NPEPL1: variants seen among roughly 807,000 people sequenced by gnomAD.
The protein encoded by NPEPL1 is probable aminopeptidase NPEPL1.
Under a neutral mutation model 52.4 loss-of-function variants are expected in NPEPL1, and 45 were observed. The ratio of observed to expected loss-of-function variants is 0.86; its 90% CI spans 0.68 to 1.10. The LOEUF (loss-of-function observed/expected upper bound fraction) is 1.10, where lower values mean the gene tolerates loss of function less well. Among genes scored for constraint, NPEPL1 ranks in the 50% least tolerant of loss-of-function variants. The probability of loss-of-function intolerance (pLI) is 0.00; values close to 1 mark genes in which losing one functional copy is unlikely to be tolerated. For synonymous variants in NPEPL1, 360 were observed against 314.7 expected (o/e 1.14, Z -1.52); for missense variants, 696 against 710.9 (o/e 0.98, Z 0.24).
At chr20:58,694,895 GTGCACGTGTGTGATGTA>G (rs1195733792) in intron 3 of NPEPL1, among the ~76,000 whole-genome samples, 2 of 152,252 alleles carry the variant, frequency 1.3e-5, no homozygotes, top group East Asian at 1.9e-4. Flanking sequence ...TGAGCTCCGT[GTGCACGTGTGTGATGTA>G]TGCACGTGTG....
chr20:58,699,056 C>G, intron 4 of NPEPL1, 141 bp from the exon 5 acceptor site: 1 of 782,086 alleles, frequency 1.3e-6, no homozygotes, highest in Non-Finnish European at 2.2e-6. Flanking sequence ...TGGGTTTCAT[C>G]ACACGCGAAG....
At chr20:58,690,818 C>A (rs2084331892), upstream of NPEPL1, among the ~76,000 whole-genome samples, 1 of 152,180 alleles carries the variant, frequency 6.6e-6, no homozygotes, top group Non-Finnish European at 1.5e-5. Context: ...TCTCCACCAA[C>A]AGTTTATCTC....
At chr20:58,691,179 GCAACGTA>G (rs1445663948), upstream of NPEPL1, 3 of 702,486 alleles carry the variant, frequency 4.3e-6, no homozygotes, top group African/African-American at 5.3e-5. Context: ...GTGCCTGTCT[GCAACGTA>G]TTTGCAAACA....
At chr20:58,707,283 C>A in intron 7 of NPEPL1, 83 bp downstream of exon 7, 1 of 1,225,250 alleles carries the variant, frequency 8.2e-7, no homozygotes, top group Non-Finnish European at 1.1e-6. Flanking sequence ...CGTCCCGCCA[C>A]AGGCCCCACC....
At chr20:58,709,487 G>A (rs1490247094) in intron 7 of NPEPL1, among the ~76,000 whole-genome samples, 1 of 152,212 alleles carries the variant, frequency 6.6e-6, no homozygotes, top group African/African-American at 2.4e-5. Flanking sequence ...TCACCCCACA[G>A]CCAGGCTTCA....
At chr20:58,705,095 A>C (rs2084712089) in intron 6 of NPEPL1, among the ~76,000 whole-genome samples, 1 of 152,228 alleles carries the variant, frequency 6.6e-6, no homozygotes, top group Non-Finnish European at 1.5e-5. Flanking sequence ...GATAGGAGAA[A>C]GTTTTTCAAA....
intron 3 of NPEPL1, among the ~76,000 whole-genome samples, chr20:58,696,404 C>T (rs984037969): frequency 1.3e-5 from 2 of 152,246 alleles, no homozygotes; most frequent in African/African-American, 2.4e-5. Context: ...TGTTGATCTC[C>T]TGTGCTCCTC....
At position 58,713,932 on chromosome 20, in the gene NPEPL1, A is replaced by AAGT; in HGVS notation, c.1143_1145dup (p.Lys381_Tyr382insTer). 1 of 1,490,594 alleles carries AAGT rather than the reference A, an allele frequency of 6.7e-7. No homozygotes were observed. The highest frequency in any genetic ancestry group is 2.1e-4 in the Middle Eastern group (1 of 4,666). The allele number at this position is 1,490,594 out of a possible 1,614,324, so 92.3% of individuals were successfully genotyped here. The stretch of plus-strand genomic sequence containing the variant: ...GCCCGCCCAGGGCATTGCCACAGGG[A>AAGT]AGTACCACGCCGCGGTGCTCACCAA... On this transcript the variant is annotated stop_gained and inframe_insertion, in exon 10 of 12. Transcript: ENST00000356091. LOFTEE classifies it high-confidence loss of function. The surrounding 1 kb of genome is among the most constrained non-coding windows in gnomAD (Gnocchi z 4.6).
In NPEPL1 at chr20:58,692,865, G is replaced by T; in HGVS notation, c.-36G>T. 2.0e-6 allele frequency: 2 copies of T among 1,001,508 alleles called. No homozygotes were observed. The highest frequency in any genetic ancestry group is 6.2e-5 in the Admixed American group (1 of 16,256). 62.0% of individuals were successfully genotyped at this position (1,001,508 alleles called of 1,614,324 possible). A position where few individuals can be genotyped will look rare whatever the true frequency, so the allele number is the denominator to read the frequency against. ...AGGGGGCCGAGCGGCGGGCCGGGCC[G>T]GGCCGGGCAGGGCCGGGGCGTGGGC... On this transcript the variant is annotated 5_prime_UTR_variant, in exon 1 of 12. Coordinates refer to ENST00000356091, the MANE Select transcript of NPEPL1 (RefSeq NM_024663.4). This position sits in a 1 kb window ranked among gnomAD's most constrained non-coding sequence, Gnocchi z 5.7.
rs772681695 is a variant in NPEPL1 at position 58,692,915 on chromosome 20, G to T, written c.15G>T (p.Gly5=). 4.6e-6 allele frequency: 5 copies of T among 1,091,228 alleles called. No homozygotes were observed. The highest frequency in any genetic ancestry group is 6.1e-5 in the South Asian group (2 of 32,664). The allele number at this position is 1,091,228 out of a possible 1,614,324, so 67.6% of individuals were successfully genotyped here. ...CCGGCAGGAAGATGGCGAACGTGGG[G>T]CTGCAGTTCCAGGCGAGCGCGGGGG... is the stretch of plus-strand genomic sequence containing the variant. MANV[G]LQFQASAGDS... The change falls in exon 1 of 12, where the codon GGG becomes GGT. Residue 5 remains glycine, a synonymous_variant. Transcript: ENST00000356091. The surrounding 1 kb of genome is among the most constrained non-coding windows in gnomAD (Gnocchi z 5.7).
At chr20:58,714,914 C>T (rs2084923514) in intron 11 of NPEPL1, 2 of 612,874 alleles carry the variant, frequency 3.3e-6, no homozygotes, top group Admixed American at 6.0e-5. Flanking sequence ...TCACCCATCC[C>T]CACCCTGAGG....
In NPEPL1 at chr20:58,711,083, C is replaced by G. The variant is rs980475592; in HGVS notation, c.901-1396C>G. 3 of 120,778 alleles carry G rather than the reference C, an allele frequency of 2.5e-5. 1 individual carries two copies. Among genetic ancestry groups the G allele is most frequent in the African/African-American group, 1.2e-4 (3 of 24,286 alleles). The allele number at this position is 120,778 out of a possible 1,614,324, so 7.5% of individuals were successfully genotyped here. On this transcript the variant is annotated intron_variant, in intron 7 of 11. Coordinates refer to ENST00000356091, the MANE Select transcript of NPEPL1 (RefSeq NM_024663.4). ...CTCCCCGCTCCTCCCTCCTCCCCCC[C>G]CGCCTCCTCTCCTCCTCCTCCTCCC...
intron 6 of NPEPL1, chr20:58,705,458 G>A (rs1397812311): frequency 2.2e-6 from 1 of 456,220 alleles, no homozygotes; most frequent in Non-Finnish European, 4.4e-6. Flanking sequence ...CTTCAGCAAG[G>A]AAATTCTAAC....
intron 8 of NPEPL1, chr20:58,712,901 A>G: frequency 2.4e-6 from 1 of 423,994 alleles, no homozygotes; most frequent in Non-Finnish European, 4.5e-6. Flanking sequence ...TCTGACCCCC[A>G]GATTCCCTGC....
chr20:58,712,372 A>C, intron 7 of NPEPL1, 107 bp from the exon 8 acceptor site: 2 of 716,776 alleles, frequency 2.8e-6, no homozygotes, highest in East Asian at 2.6e-5. Context: ...ACTTGGAGCC[A>C]TCTCTCTCTC....
At chr20:58,714,933 G>C (rs2084923995) in intron 11 of NPEPL1, 1 of 615,840 alleles carries the variant, frequency 1.6e-6, no homozygotes, top group Admixed American at 3.0e-5. Context: ...GGAGCTCCCG[G>C]GGTGAAGGCA....
At chr20:58,699,351 G>T (rs774850317) in intron 5 of NPEPL1, 73 bp downstream of exon 5, 2 of 1,141,112 alleles carry the variant, frequency 1.8e-6, no homozygotes, top group Non-Finnish European at 1.2e-6. Context: ...GCAGGGGGTC[G>T]GCGGGCCACA....
At position 58,699,176 on chromosome 20, in the gene NPEPL1, T is replaced by A. The variant is rs181480866; in HGVS notation, c.598-21T>A. On this transcript the variant is annotated intron_variant, in intron 4 of 11. Transcript: ENST00000356091. ...TCTTCATGTGTTGTTGTGCTGTTGT[T>A]TTTTCCATGAACATGTCCAGGAGAT... is the stretch of plus-strand genomic sequence containing the variant. 416 of 1,572,784 alleles carry A rather than the reference T, an allele frequency of 2.6e-4. No individual in the cohort carries two copies. The African/African-American group carries it at 5.0e-3, about 19-fold the overall frequency.
In NPEPL1 at chr20:58,713,588, C is replaced by T. The variant is rs758803461; in HGVS notation, c.1125+45C>T. On this transcript the variant is annotated intron_variant, in intron 9 of 11. Transcript: ENST00000356091. The surrounding 1 kb of genome is among the most constrained non-coding windows in gnomAD (Gnocchi z 4.6). ...ACCCCTTAGCTGTAGTCCCAGGGAACCCCACCCCACTCTTGACCTCAAGGT... is the reference window on the plus strand; with the variant it reads ...ACCCCTTAGCTGTAGTCCCAGGGAATCCCACCCCACTCTTGACCTCAAGGT... 6.5e-7 allele frequency: 1 copy of T among 1,529,942 alleles called. No homozygotes were observed. The highest frequency in any genetic ancestry group is 2.0e-5 in the Admixed American group (1 of 50,256). 94.8% of individuals were successfully genotyped at this position (1,529,942 alleles called of 1,614,324 possible).
Sources: allele counts gnomAD v4.1 joint callset (sites outside exome capture counted in the v4.1 genomes callset), GRCh38; gene constraint gnomAD v4.1.1; non-coding constraint Gnocchi (gnomAD v3.1); transcripts MANE v1.5; gene names NCBI Gene and HGNC (gene_info 2026-07-23, HGNC 2026-07-21).